Variants in HEPHL1 observed in about 807,000 individuals in gnomAD.
The protein encoded by HEPHL1 is ferroxidase HEPHL1.
A neutral mutation model predicts 122.0 loss-of-function variants in HEPHL1; 123 were observed. That is an observed-to-expected ratio of 1.01 (90% CI 0.87 to 1.17). HEPHL1 has a LOEUF of 1.17. Among genes scored for constraint, HEPHL1 ranks in the 50% most tolerant of loss-of-function variants. HEPHL1 has a pLI of 0.00. For synonymous variants in HEPHL1, 527 were observed against 508.9 expected, an observed-to-expected ratio of 1.04 and a Z score of -0.48; for missense variants, 1,452 against 1,430.5, an observed-to-expected ratio of 1.01 and a Z score of -0.24.
chr11:94,026,423 G>A (rs1945625733), intron 1 of HEPHL1, among the ~76,000 whole-genome samples: 1 of 152,190 alleles, frequency 6.6e-6, no homozygotes, highest in Non-Finnish European at 1.5e-5. Flanking sequence ...AGGGGAGCAT[G>A]AATATTGCAA....
chr11:94,069,727 AT>A (rs999319910), intron 5 of HEPHL1, among the ~76,000 whole-genome samples: 1 of 152,012 alleles, frequency 6.6e-6, no homozygotes, highest in Non-Finnish European at 1.5e-5. Flanking sequence ...TTTCCCACCA[AT>A]TTTTTTGCTA....
chr11:94,103,158 G>T (rs1198789983), intron 15 of HEPHL1, 138 bp downstream of exon 15: 1 of 606,236 alleles, frequency 1.6e-6, no homozygotes, highest in Non-Finnish European at 2.9e-6. Flanking sequence ...GCCCATTTAC[G>T]AAATCTAGAC....
At chr11:94,072,377 A>T (rs1238908396) in intron 6 of HEPHL1, among the ~76,000 whole-genome samples, 1 of 152,130 alleles carries the variant, frequency 6.6e-6, no homozygotes, top group Non-Finnish European at 1.5e-5. Context: ...GAGTGCCAAA[A>T]AATTTTACAA....
rs536670549 is a variant in HEPHL1 at position 94,037,105 on chromosome 11, G to A, written c.171-8568G>A. ...CCCTTTCCGAGTCAAAGAAAGGGGT[G>A]ACGGACGCACCTGGAAAATCGGGTC... On this transcript the variant is annotated intron_variant, in intron 1 of 19. Transcript: ENST00000315765. Among the ~76,000 whole-genome samples the A allele has an allele frequency of 2.2e-4, 34 of 152,292 alleles. No homozygotes were observed. In the South Asian group the frequency reaches 6.6e-3, roughly 30 times the overall value.
chr11:94,075,647 T>A (rs1946117281), intron 9 of HEPHL1, among the ~76,000 whole-genome samples: 1 of 152,160 alleles, frequency 6.6e-6, no homozygotes, highest in Non-Finnish European at 1.5e-5. Flanking sequence ...TTCTGTGTGC[T>A]GCTTTTATTA....
At chr11:94,099,955 C>T (rs1193439178) in intron 13 of HEPHL1, among the ~76,000 whole-genome samples, 1 of 152,152 alleles carries the variant, frequency 6.6e-6, no homozygotes, top group African/African-American at 2.4e-5. Context: ...ACCCCTTGTG[C>T]TTCCCAGGTA....
At chr11:94,050,413 A>G (rs558552972) in intron 2 of HEPHL1, among the ~76,000 whole-genome samples, 16 of 152,274 alleles carry the variant, frequency 1.1e-4, no homozygotes, top group African/African-American at 2.4e-4. Context: ...CTTTTTCCCA[A>G]TCTTAGGAAG....
At chr11:94,025,657 T>C (rs1304879625) in intron 1 of HEPHL1, among the ~76,000 whole-genome samples, 1 of 152,142 alleles carries the variant, frequency 6.6e-6, no homozygotes, top group Non-Finnish European at 1.5e-5. Context: ...GCCCAGTGTA[T>C]GGCAAGGGGC....
In HEPHL1 at chr11:94,045,824, G is replaced by A. The variant is rs1235829443; in HGVS notation, c.322G>A (p.Val108Met). Residue 108 changes from valine to methionine, a missense_variant, in exon 2 of 20, where the codon GTG (valine) becomes ATG (methionine). Physicochemically the swap from Val to Met is conservative, Grantham distance 21 (BLOSUM62 1). Transcript: ENST00000315765. ...CCTGGGCCCCATCTTGAGGGCCGAA[G>A]TGGGTGATGTGATTGTCATTCATTT... is the stretch of plus-strand genomic sequence containing the variant. The part of the protein sequence containing the change: ...GFLGPILRAE[V>M]GDVIVIHLKN... 6.2e-7 allele frequency: 1 copy of A among 1,613,964 alleles called. No homozygotes were observed. Among genetic ancestry groups the A allele is most frequent in the Non-Finnish European group, 8.5e-7 (1 of 1,179,882 alleles).
Position 94,093,634 on chromosome 11 carries a change from C to A in HEPHL1, c.2428C>A (p.Leu810Ile). The A allele has an allele frequency of 6.2e-7, 1 of 1,613,092 alleles. No individual in the cohort carries two copies. The highest frequency in any genetic ancestry group is 8.5e-7 in the Non-Finnish European group (1 of 1,179,650). Residue 810 changes from leucine to isoleucine, a missense_variant, in exon 13 of 20, where the codon CTC (leucine) becomes ATC (isoleucine). Coordinates refer to ENST00000315765, the MANE Select transcript of HEPHL1 (RefSeq NM_001098672.2). ...ARPPREEHLE[L>I]LGPMIHAEVG... ...ACCACCACGAGAGGAGCACTTAGAA[C>A]TCCTGGGTATGGCACAGATTTCAGG...
chr11:94,050,130 T>C (rs1961012), intron 2 of HEPHL1, among the ~76,000 whole-genome samples: 88,315 of 151,898 alleles, frequency 0.58, 25,881 homozygotes, highest in South Asian at 0.68. Flanking sequence ...TTTTCTTAAT[T>C]TCATTTTTGG....
intron 1 of HEPHL1, among the ~76,000 whole-genome samples, chr11:94,027,010 A>G (rs1945631260): frequency 6.6e-6 from 1 of 152,160 alleles, no homozygotes; most frequent in Non-Finnish European, 1.5e-5. Flanking sequence ...TGGAGGCCAG[A>G]TGTCTGAACT....
intron 1 of HEPHL1, among the ~76,000 whole-genome samples, chr11:94,027,005 G>A (rs555614760): frequency 1.4e-3 from 218 of 152,224 alleles, no homozygotes; most frequent in Non-Finnish European, 2.7e-3. Flanking sequence ...AGTTTTGGAG[G>A]CCAGATGTCT....
At chr11:94,105,421 G>A (rs1946400147) in intron 16 of HEPHL1, among the ~76,000 whole-genome samples, 1 of 152,100 alleles carries the variant, frequency 6.6e-6, no homozygotes, top group South Asian at 2.1e-4. Context: ...AGGTCATTTG[G>A]TTGCACCACA....
At chr11:94,088,507 A>ACC (rs1946236293) in intron 11 of HEPHL1, among the ~76,000 whole-genome samples, 1 of 152,042 alleles carries the variant, frequency 6.6e-6, no homozygotes, top group Non-Finnish European at 1.5e-5. Flanking sequence ...ATTTCTTGGT[A>ACC]GCAATATTGT....
At chr11:94,058,695 ATAAATTTTATTGTTTTT>A (rs1353442271) in intron 2 of HEPHL1, among the ~76,000 whole-genome samples, 1 of 152,046 alleles carries the variant, frequency 6.6e-6, no homozygotes, top group African/African-American at 2.4e-5. Context: ...CTATTTAAAA[ATAAATTTTATTGTTTTT>A]TAAATTTTAT....
At position 94,086,120 on chromosome 11, in the gene HEPHL1, A is replaced by T; in HGVS notation, c.2011A>T (p.Thr671Ser). The change falls in exon 11 of 20, where the codon ACT becomes TCT. Residue 671 changes from threonine to serine, a missense_variant. Physicochemically the swap from Thr to Ser is moderately conservative, Grantham distance 58. Transcript: ENST00000315765. ...FQGNTIHLRG[T>S]HRDSLALFPH... ...AGGGAACACCATCCACCTACGAGGG[A>T]CTCACCGAGACTCCCTGGCCCTGTT... The T allele has an allele frequency of 6.2e-7, 1 of 1,613,034 alleles. No individual in the cohort carries two copies. The highest frequency in any genetic ancestry group is 8.5e-7 in the Non-Finnish European group (1 of 1,179,692).
intron 2 of HEPHL1, chr11:94,056,043 T>G: frequency 1.9e-6 from 1 of 521,678 alleles, no homozygotes; most frequent in Non-Finnish European, 3.3e-6. Flanking sequence ...AGTTTTTCCT[T>G]CCTGTATTTT....
At chr11:94,065,621 A>C (rs1366694008) in intron 4 of HEPHL1, among the ~76,000 whole-genome samples, 1 of 152,192 alleles carries the variant, frequency 6.6e-6, no homozygotes, top group African/African-American at 2.4e-5. Flanking sequence ...AAGGGAGAGA[A>C]GGAAAGGGGA....
Sources: allele counts gnomAD v4.1 joint callset (sites outside exome capture counted in the v4.1 genomes callset), GRCh38; gene constraint gnomAD v4.1.1; transcripts MANE v1.5; gene names NCBI Gene and HGNC (gene_info 2026-07-23, HGNC 2026-07-21).